USP50: variants seen among roughly 807,000 people sequenced by gnomAD.
USP50 encodes ubiquitin carboxyl-terminal hydrolase 50.
A neutral mutation model predicts 39.2 loss-of-function variants in USP50; 37 were observed. The ratio of observed to expected loss-of-function variants is 0.94; its 90% CI spans 0.73 to 1.24. The LOEUF is 1.24. Ranked by LOEUF, USP50 falls within the 50% of genes most tolerant of loss-of-function variation. The probability of loss-of-function intolerance (pLI) is 0.00; values close to 1 mark genes in which losing one functional copy is unlikely to be tolerated. For synonymous variants in USP50, 139 were observed against 144.5 expected (o/e 0.96, Z 0.27); for missense variants, 374 against 398.2 (o/e 0.94, Z 0.52).
In USP50 at chr15:50,529,779, C is replaced by T. The variant is rs567206834; in HGVS notation, c.936+18G>A. On this transcript the variant is annotated intron_variant, in intron 6 of 6. Transcript: ENST00000532404. ...TTCTTTAAAATTGGATTACTTTTAA[C>T]AGTTTGTTTTTACTCACCACCACTG... 6.4e-5 allele frequency: 103 copies of T among 1,606,388 alleles called. 1 individual carries two copies. The South Asian group carries it at 1.1e-3, about 17-fold the overall frequency.
At position 50,541,112 on chromosome 15, in the gene USP50, G is replaced by A. The variant is rs2053025802; in HGVS notation, c.597C>T (p.Tyr199=). 1.2e-6 allele frequency: 2 copies of A among 1,613,936 alleles called. No homozygotes were observed. Among genetic ancestry groups the A allele is most frequent in the Non-Finnish European group, 1.7e-6 (2 of 1,179,876 alleles). ...AGAAGACAGTGAAGACTTCGTTCTT[G>A]TAGGTGCATTTCTCACACTTTAAAC... ...IVCLKCEKCT[Y]KNEVFTVFSL... The change falls in exon 4 of 7, where the codon TAC becomes TAT. Residue 199 remains tyrosine, a synonymous_variant. Coordinates refer to ENST00000532404, the MANE Select transcript of USP50 (RefSeq NM_203494.5).
intron 6 of USP50, chr15:50,506,957 CAAAAAAAAAAAAAAAAAAAA>C (rs58329541): frequency 1.1e-4 from 5 of 46,224 alleles, no homozygotes; most frequent in Admixed American, 7.7e-4. Flanking sequence ...GACTTCATCT[CAAAAAAAAAAAAAAAAAAAA>C]AAAAAAAAAA....
rs921750804 is a variant in USP50 at position 50,508,277 on chromosome 15, A to G, written c.937-7440T>C. 1.2e-4 allele frequency: 18 copies of G among 152,224 alleles called. 1 individual carries two copies. The highest frequency in any genetic ancestry group is 6.2e-4 in the South Asian group (3 of 4,820). 9.4% of individuals were successfully genotyped at this position (152,224 alleles called of 1,614,324 possible). ...AGTAATGAAAATACTATATCAAAACATGGGATGCACTGATGTCTGAGAATG... is the reference window on the plus strand; with the variant it reads ...AGTAATGAAAATACTATATCAAAACGTGGGATGCACTGATGTCTGAGAATG... On this transcript the variant is annotated intron_variant, in intron 6 of 6. Coordinates refer to ENST00000532404, the MANE Select transcript of USP50 (RefSeq NM_203494.5).
intron 6 of USP50, among the ~76,000 whole-genome samples, chr15:50,519,081 G>GT (rs2052826779): frequency 6.6e-6 from 1 of 151,614 alleles, no homozygotes; most frequent in Non-Finnish European, 1.5e-5. Flanking sequence ...GAGGTCAGAA[G>GT]TTTGAGACTA....
In USP50 at chr15:50,544,709, A is replaced by G; in HGVS notation, c.126T>C (p.Gly42=). 6.2e-7 allele frequency: 1 copy of G among 1,614,002 alleles called. No homozygotes were observed. The highest frequency in any genetic ancestry group is 8.5e-7 in the Non-Finnish European group (1 of 1,179,896). Residue 42 remains glycine, a synonymous_variant, in exon 2 of 7, where the codon GGT becomes GGC. Transcript: ENST00000532404. Reference sequence around the variant, plus strand: ...TGCCCAAGTTCCACAAGCCAGTGACACCCTGAAAATGGGGCTGGTTCCCAT... The same window carrying G: ...TGCCCAAGTTCCACAAGCCAGTGACGCCCTGAAAATGGGGCTGGTTCCCAT... ...EADGNQPHFQ[G]VTGLWNLGNT...
At chr15:50,504,005 A>G (rs1390413396) in intron 6 of USP50, 1 of 152,222 alleles carries the variant, frequency 6.6e-6, no homozygotes, top group African/African-American at 2.4e-5. Flanking sequence ...GAATTTTCAG[A>G]AATGAGAAAT....
chr15:50,498,727 C>T (rs1177829330), downstream of USP50: 2 of 1,604,224 alleles, frequency 1.2e-6, no homozygotes, highest in East Asian at 2.2e-5. Context: ...TTTTCTGTTT[C>T]AGTAAGTATC....
intron 6 of USP50, among the ~76,000 whole-genome samples, chr15:50,520,208 C>T (rs1244700268): frequency 6.6e-6 from 1 of 152,002 alleles, no homozygotes; most frequent in Non-Finnish European, 1.5e-5. Context: ...ACTCGGGAAG[C>T]TGAGGTGGGA....
At chr15:50,545,321 C>A (rs961380542) in intron 1 of USP50, among the ~76,000 whole-genome samples, 1 of 151,786 alleles carries the variant, frequency 6.6e-6, no homozygotes. Flanking sequence ...AATCTTTCAA[C>A]AATTGTGTAA....
intron 1 of USP50, among the ~76,000 whole-genome samples, 176 bp downstream of exon 1, chr15:50,546,297 A>G (rs1228206767): frequency 6.6e-6 from 1 of 152,126 alleles, no homozygotes; most frequent in African/African-American, 2.4e-5. Flanking sequence ...ACCCTTTAGG[A>G]AGGACATGTA....
chr15:50,527,728 G>A (rs1459742980), intron 6 of USP50, among the ~76,000 whole-genome samples: 2 of 149,708 alleles, frequency 1.3e-5, no homozygotes, highest in Non-Finnish European at 3.0e-5. Flanking sequence ...TCTGCCTCCT[G>A]GGTTCAAGCA....
chr15:50,514,383 T>C (rs11632717), intron 6 of USP50: 10,345 of 152,214 alleles, frequency 0.068, 562 homozygotes, highest in African/African-American at 0.14. Flanking sequence ...TACTTTTCTG[T>C]ATATATGTTT....
intron 6 of USP50, chr15:50,513,670 AAAAG>A (rs1189643213): frequency 6.6e-6 from 1 of 152,196 alleles, no homozygotes; most frequent in Non-Finnish European, 1.5e-5. Context: ...GGCATTTCAC[AAAAG>A]AAAGTATACA....
intron 5 of USP50, chr15:50,532,192 G>A (rs2052945768): frequency 2.2e-6 from 1 of 456,094 alleles, no homozygotes; most frequent in South Asian, 1.5e-5. Context: ...AACCACACTC[G>A]CACGGTAAAT....
At chr15:50,497,240 G>A, downstream of USP50, 5 of 1,595,222 alleles carry the variant, frequency 3.1e-6, no homozygotes, top group Non-Finnish European at 4.3e-6. Flanking sequence ...CGGTAAAGGG[G>A]AAAGTTTGTC....
chr15:50,497,283 T>C (rs1361870060), downstream of USP50: 1 of 1,551,574 alleles, frequency 6.4e-7, no homozygotes. Context: ...GAGGGAATTT[T>C]AAGTTCTGTG....
intron 4 of USP50, among the ~76,000 whole-genome samples, chr15:50,539,112 TG>T (rs1460157318): frequency 2.2e-5 from 3 of 134,298 alleles, no homozygotes; most frequent in Admixed American, 1.5e-4. Context: ...TTTTTGGTTT[TG>T]TTTTTTTTTT....
In USP50 at chr15:50,544,693, T is replaced by G. The variant is rs1270667698; in HGVS notation, c.142A>C (p.Asn48His). ...PHFQGVTGLW[N>H]LGNTCCVNAI... ...TTCACGCAGCATGTGTTGCCCAAGT[T>G]CCACAAGCCAGTGACACCCTGAAAA... The change falls in exon 2 of 7, where the codon AAC becomes CAC. Residue 48 changes from asparagine to histidine, a missense_variant. Transcript: ENST00000532404. The G allele has an allele frequency of 1.2e-6, 2 of 1,613,774 alleles. No individual in the cohort carries two copies. The highest frequency in any genetic ancestry group is 8.5e-7 in the Non-Finnish European group (1 of 1,179,864).
downstream of USP50, chr15:50,497,490 A>G (rs1242349029): frequency 6.7e-6 from 2 of 299,544 alleles, no homozygotes; most frequent in African/African-American, 4.3e-5. Context: ...TCAAGTGAAA[A>G]TGTATAAAAA....
Sources: gnomAD v4.1 joint callset for allele counts (sites outside exome capture counted in the v4.1 genomes callset) on GRCh38, gnomAD v4.1.1 for gene constraint, MANE v1.5 for transcripts, NCBI Gene and HGNC (gene_info 2026-07-23, HGNC 2026-07-21) for gene names.